The following HIBCH variants were observed in gnomAD, a reference collection of about 807,000 sequenced individuals.
HIBCH encodes 3-hydroxyisobutyryl-CoA hydrolase.
HIBCH carries 50 observed loss-of-function variants against 58.2 expected under a neutral mutation model. The ratio of observed to expected loss-of-function variants is 0.86; its 90% CI spans 0.68 to 1.09. The LOEUF (loss-of-function observed/expected upper bound fraction) is 1.09, where lower values mean the gene tolerates loss of function less well. Among genes scored for constraint, HIBCH ranks in the 50% least tolerant of loss-of-function variants. The pLI is 0.00. For synonymous variants in HIBCH, 151 were observed against 146.9 expected (o/e 1.03, Z -0.20); for missense variants, 450 against 449.7 (o/e 1.00, Z -0.01).
In HIBCH at chr2:190,254,482, C is replaced by A. The variant is rs1686868774; in HGVS notation, c.518-2175G>T. Among the ~76,000 whole-genome samples, 1 of 152,182 alleles carries A rather than the reference C, an allele frequency of 6.6e-6. No homozygotes were observed. Among genetic ancestry groups the A allele is most frequent in the South Asian group, 2.1e-4 (1 of 4,818 alleles). ...ACCAAGTTTGTGGTATTTTGTTATG[C>A]AGCCCTAAAAGTTTAATACACTGCG... On this transcript the variant is annotated intron_variant, in intron 7 of 13. Coordinates refer to ENST00000359678, the MANE Select transcript of HIBCH (RefSeq NM_014362.4). This position sits in a 1 kb window ranked among gnomAD's most constrained non-coding sequence, Gnocchi z 5.0.
rs536879156 is a variant in HIBCH, at chr2:190,192,124, T to C, written c.*18-2127A>G. Reference sequence around the variant, plus strand: ...CTATGATCCCTTTTGAGTTAATTTTTCTATAAAGTATAAGGTATAAGTAGA... The same window carrying C: ...CTATGATCCCTTTTGAGTTAATTTTCCTATAAAGTATAAGGTATAAGTAGA... On this transcript the variant is annotated intron_variant, in intron 1 of 1. Transcript: ENST00000399855. Among the ~76,000 whole-genome samples the C allele has an allele frequency of 6.6e-5, 10 of 152,316 alleles. No homozygotes were observed. The East Asian group carries it at 1.9e-3, about 29-fold the overall frequency.
At position 190,222,433 on chromosome 2, in the gene HIBCH, A is replaced by C. The variant is rs528750816; in HGVS notation, c.892-9358T>G. Among the ~76,000 whole-genome samples the C allele has an allele frequency of 4.6e-5, 7 of 152,224 alleles. No homozygotes were observed. The East Asian group carries it at 7.7e-4, about 17-fold the overall frequency. Reference sequence around the variant, plus strand: ...AGTCAAAAAGGAGGAAAAAAAAAAAACCCAAGAAGAGAACATTGCATCAAG... The same window carrying C: ...AGTCAAAAAGGAGGAAAAAAAAAAACCCCAAGAAGAGAACATTGCATCAAG... On this transcript the variant is annotated intron_variant, in intron 11 of 13. Coordinates refer to ENST00000359678, the MANE Select transcript of HIBCH (RefSeq NM_014362.4).
chr2:190,244,628 T>C (rs1466734788), intron 11 of HIBCH, among the ~76,000 whole-genome samples: 2 of 152,144 alleles, frequency 1.3e-5, no homozygotes, highest in African/African-American at 4.8e-5. Flanking sequence ...GAAGCATGCT[T>C]ACTAAAGTCC....
In HIBCH at chr2:190,243,845, C is replaced by T. The variant is rs550190532; in HGVS notation, c.891+1042G>A. Among the ~76,000 whole-genome samples the T allele has an allele frequency of 9.2e-5, 14 of 152,230 alleles. No individual in the cohort carries two copies. In the South Asian group the frequency reaches 2.9e-3, roughly 32 times the overall value. On this transcript the variant is annotated intron_variant, in intron 11 of 13. Coordinates refer to ENST00000359678, the MANE Select transcript of HIBCH (RefSeq NM_014362.4). This position sits in a 1 kb window ranked among gnomAD's most constrained non-coding sequence, Gnocchi z 4.1. ...ATTAGCCACCCGTGGTGGCACACGC[C>T]CGTAGTCCCAGCTACTCAGGAGGCT...
At position 190,211,111 on chromosome 2, in the gene HIBCH, G is replaced by A. The variant is rs1234299961; in HGVS notation, c.1011+1845C>T. ...TCTGCCTTTTCAACCTCAACCCCTG[G>A]AGCACACCTATGTACCTGGAACCTA... On this transcript the variant is annotated intron_variant, in intron 12 of 13. Transcript: ENST00000359678. This position sits in a 1 kb window ranked among gnomAD's most constrained non-coding sequence, Gnocchi z 5.0. Among the ~76,000 whole-genome samples the A allele has an allele frequency of 1.3e-5, 2 of 152,020 alleles. No individual in the cohort carries two copies. The highest frequency in any genetic ancestry group is 2.9e-5 in the Non-Finnish European group (2 of 68,002).
chr2:190,308,091 CCT>C (rs59910251), intron 2 of HIBCH, among the ~76,000 whole-genome samples: 2,127 of 152,292 alleles, frequency 0.014, 57 homozygotes, highest in African/African-American at 0.047. Flanking sequence ...CTTCTCTACC[CCT>C]GAGGCACTCA....
intron 6 of HIBCH, among the ~76,000 whole-genome samples, chr2:190,271,605 A>G (rs1687404099): frequency 6.6e-6 from 1 of 151,860 alleles, no homozygotes; most frequent in Non-Finnish European, 1.5e-5. Context: ...CTTATATTTA[A>G]TCACCATGAT....
intron 2 of HIBCH, among the ~76,000 whole-genome samples, chr2:190,297,918 C>T (rs193212276): frequency 6.6e-6 from 1 of 151,050 alleles, no homozygotes; most frequent in Non-Finnish European, 1.5e-5. Context: ...CCCCCACCCC[C>T]CAACAGGCCC....
intron 2 of HIBCH, among the ~76,000 whole-genome samples, chr2:190,300,547 G>C (rs568863062): frequency 1.3e-5 from 2 of 151,676 alleles, no homozygotes; most frequent in Admixed American, 1.3e-4. Flanking sequence ...GTTTCTTATA[G>C]ATGCTGGATA....
downstream of HIBCH, chr2:190,200,095 T>C (rs756630382): frequency 4.3e-6 from 7 of 1,613,970 alleles, no homozygotes; most frequent in African/African-American, 6.7e-5. Context: ...GCAATGGGCA[T>C]GCAATAACAT....
At chr2:190,208,274 T>G (rs1690438522) in intron 13 of HIBCH, among the ~76,000 whole-genome samples, 1 of 152,174 alleles carries the variant, frequency 6.6e-6, no homozygotes, top group Admixed American at 6.5e-5. Flanking sequence ...CACTGGTCAA[T>G]TTTGCCAGGC....
chr2:190,239,671 CAG>C (rs1686394922), intron 11 of HIBCH, among the ~76,000 whole-genome samples: 1 of 127,952 alleles, frequency 7.8e-6, no homozygotes, highest in Non-Finnish European at 1.6e-5. Flanking sequence ...TTTTTTGAGA[CAG>C]AGTTTCCCTC....
intron 6 of HIBCH, among the ~76,000 whole-genome samples, chr2:190,272,371 G>A (rs922164999): frequency 1.3e-5 from 2 of 152,184 alleles, no homozygotes; most frequent in South Asian, 2.1e-4. Flanking sequence ...AGTTAGTTTC[G>A]AAGCTCACAT....
rs1687866789 is a variant in HIBCH, at chr2:190,287,711, C to T, written c.386-73G>A. 5 of 1,077,292 alleles carry T rather than the reference C, an allele frequency of 4.6e-6. No homozygotes were observed. In the African/African-American group the frequency reaches 6.3e-5, roughly 14 times the overall value. 66.7% of individuals were successfully genotyped at this position (1,077,292 alleles called of 1,614,324 possible). On this transcript the variant is annotated intron_variant, in intron 5 of 13. Transcript: ENST00000359678. The stretch of plus-strand genomic sequence containing the variant: ...TCCCTTTTTCTTAAAAAAAAACCCA[C>T]ATTATATATACTCAAGATTTTCCCT...
At chr2:190,231,084 CAA>C (rs1317735974) in intron 11 of HIBCH, among the ~76,000 whole-genome samples, 2 of 152,150 alleles carry the variant, frequency 1.3e-5, no homozygotes, top group African/African-American at 2.4e-5. Flanking sequence ...TGATTTTTGA[CAA>C]AAGACACCAA....
chr2:190,236,239 C>T lies in HIBCH; in HGVS notation c.891+8648G>A, dbSNP rs1470236129. Among the ~76,000 whole-genome samples, 2 of 152,132 alleles carry T rather than the reference C, an allele frequency of 1.3e-5. No homozygotes were observed. The highest frequency in any genetic ancestry group is 4.8e-5 in the African/African-American group (2 of 41,452). ...GGCTTAAATGGGAAATATCTCTTGG[C>T]ATTTGTCCTCAGGGTTAAATGAAAC... is the stretch of plus-strand genomic sequence containing the variant. On this transcript the variant is annotated intron_variant, in intron 11 of 13. Transcript: ENST00000359678. This position sits in a 1 kb window ranked among gnomAD's most constrained non-coding sequence, Gnocchi z 4.1.
rs766617973 is a variant in HIBCH at position 190,205,188 on chromosome 2, G to A, written c.1090C>T (p.Leu364=). 3 of 1,610,244 alleles carry A rather than the reference G, an allele frequency of 1.9e-6. No homozygotes were observed. The highest frequency in any genetic ancestry group is 3.3e-5 in the Admixed American group (2 of 59,980). Residue 364 remains leucine (L), a synonymous_variant, in exon 14 of 14, where the codon CTA becomes TTA. Coordinates refer to ENST00000359678, the MANE Select transcript of HIBCH (RefSeq NM_014362.4). Reference sequence around the variant, plus strand: ...AAATCTTCCTCAGTAACTTCTTTTAGATCAGCTGGTTTCCATTTTGGACTC... The same window carrying A: ...AAATCTTCCTCAGTAACTTCTTTTAAATCAGCTGGTTTCCATTTTGGACTC... ...DQSPKWKPAD[L]KEVTEEDLNN...
chr2:190,255,410 G>A (rs1686892091), intron 7 of HIBCH, among the ~76,000 whole-genome samples: 1 of 152,154 alleles, frequency 6.6e-6, no homozygotes, highest in Non-Finnish European at 1.5e-5. Flanking sequence ...TCAGCTTAAA[G>A]GACAACTCCT....
rs993963554 is a variant in HIBCH at position 190,207,909 on chromosome 2, C to A, written c.1045+971G>T. Among the ~76,000 whole-genome samples the A allele has an allele frequency of 2.6e-5, 4 of 151,678 alleles. No homozygotes were observed. The highest frequency in any genetic ancestry group is 6.6e-5 in the Admixed American group (1 of 15,224). On this transcript the variant is annotated intron_variant, in intron 13 of 13. Coordinates refer to ENST00000359678, the MANE Select transcript of HIBCH (RefSeq NM_014362.4). The surrounding 1 kb of genome is among the most constrained non-coding windows in gnomAD (Gnocchi z 4.5). ...AAAAAATAAAATAAAATAAAAAAAACAAAGGATATCCAGAGTCTGCACTAT... is the reference window on the plus strand; with the variant it reads ...AAAAAATAAAATAAAATAAAAAAAAAAAAGGATATCCAGAGTCTGCACTAT...
Sources: allele counts gnomAD v4.1 joint callset (sites outside exome capture counted in the v4.1 genomes callset), GRCh38; gene constraint gnomAD v4.1.1; non-coding constraint Gnocchi (gnomAD v3.1); transcripts MANE v1.5; gene names NCBI Gene and HGNC (gene_info 2026-07-23, HGNC 2026-07-21).